FHIT: variants seen among roughly 807,000 people sequenced by gnomAD.
FHIT encodes fragile histidine triad diadenosine triphosphatase.
FHIT carries 19 observed loss-of-function variants against 17.9 expected under a neutral mutation model. The ratio of observed to expected loss-of-function variants is 1.06; its 90% CI spans 0.74 to 1.56. The LOEUF (loss-of-function observed/expected upper bound fraction) is 1.56. Ranked by LOEUF, FHIT falls within the 40% of genes most tolerant of loss-of-function variation. The pLI is 0.00. For synonymous variants in FHIT, 81 were observed against 69.7 expected (o/e 1.16, Z -0.81); for missense variants, 248 against 189.2 (o/e 1.31, Z -1.82).
At chr3:60,477,987 T>G (rs1261950935) in intron 5 of FHIT, among the ~76,000 whole-genome samples, 1 of 152,172 alleles carries the variant, frequency 6.6e-6, no homozygotes, top group Non-Finnish European at 1.5e-5. Flanking sequence ...TGGAGATTCT[T>G]TGCTGGGTAA....
chr3:60,340,143 T>A (rs973553206), intron 5 of FHIT, among the ~76,000 whole-genome samples: 1 of 152,170 alleles, frequency 6.6e-6, no homozygotes, highest in African/African-American at 2.4e-5. Context: ...AAAGGACTTA[T>A]TACAGAAACA....
At chr3:60,207,914 T>C (rs1703276337) in intron 5 of FHIT, among the ~76,000 whole-genome samples, 1 of 152,218 alleles carries the variant, frequency 6.6e-6, no homozygotes, top group African/African-American at 2.4e-5. Flanking sequence ...ATTTGGAATG[T>C]AATCTCTTAC....
intron 5 of FHIT, among the ~76,000 whole-genome samples, chr3:60,079,494 C>T (rs1379541079): frequency 6.6e-6 from 1 of 151,982 alleles, no homozygotes; most frequent in Non-Finnish European, 1.5e-5. Context: ...CTGCTCCCTG[C>T]TCCCACCAGC....
chr3:61,121,537 C>A (rs1269722401), intron 2 of FHIT, among the ~76,000 whole-genome samples: 1 of 152,130 alleles, frequency 6.6e-6, no homozygotes, highest in African/African-American at 2.4e-5. Context: ...CAAGCAAATG[C>A]TGAGAAATGT....
chr3:60,316,691 TAA>T (rs1360931041), intron 5 of FHIT, among the ~76,000 whole-genome samples: 2 of 152,216 alleles, frequency 1.3e-5, no homozygotes, highest in East Asian at 1.9e-4. Context: ...CAAAACAGAT[TAA>T]GTCTTTTTCA....
At chr3:59,897,703 T>C (rs777312252) in intron 8 of FHIT, among the ~76,000 whole-genome samples, 3 of 151,226 alleles carry the variant, frequency 2.0e-5, no homozygotes, top group Admixed American at 6.5e-5. Context: ...AAACCAGATA[T>C]AGCTTGAGCA....
intron 2 of FHIT, among the ~76,000 whole-genome samples, chr3:61,098,730 T>A (rs891970526): frequency 1.3e-5 from 2 of 152,180 alleles, no homozygotes; most frequent in Non-Finnish European, 2.9e-5. Context: ...TGTGACTATG[T>A]TACTGATTTG....
intron 5 of FHIT, among the ~76,000 whole-genome samples, chr3:60,201,890 T>C (rs931051741): frequency 2.6e-5 from 4 of 152,104 alleles, no homozygotes; most frequent in Non-Finnish European, 5.9e-5. Flanking sequence ...CTTGATTGAA[T>C]TTTGTTACAT....
chr3:61,099,171 A>T lies in FHIT; in HGVS notation c.-163-57072T>A, dbSNP rs1181714699. On this transcript the variant is annotated intron_variant, in intron 2 of 9. Coordinates refer to ENST00000492590, the MANE Select transcript of FHIT (RefSeq NM_002012.4). The stretch of plus-strand genomic sequence containing the variant: ...TCAAAAGCCTTTTCTACATCTATTG[A>T]GATAATCATGCAGTTTTTGTCTTTA... Among the ~76,000 whole-genome samples the T allele has an allele frequency of 2.0e-5, 3 of 152,186 alleles. No homozygotes were observed. The East Asian group carries it at 5.8e-4, about 29-fold the overall frequency.
At chr3:60,017,336 A>G (rs1700380821) in intron 5 of FHIT, among the ~76,000 whole-genome samples, 1 of 152,128 alleles carries the variant, frequency 6.6e-6, no homozygotes, top group African/African-American at 2.4e-5. Context: ...CTAACAGAGA[A>G]TCGTAAGATC....
At chr3:60,916,497 A>G (rs782685723) in intron 3 of FHIT, among the ~76,000 whole-genome samples, 2 of 152,184 alleles carry the variant, frequency 1.3e-5, no homozygotes, top group Non-Finnish European at 2.9e-5. Context: ...ATTTTTGCTT[A>G]TAACCATAGG....
chr3:60,496,524 T>C (rs1395522598), intron 5 of FHIT, among the ~76,000 whole-genome samples: 1 of 152,168 alleles, frequency 6.6e-6, no homozygotes, highest in Non-Finnish European at 1.5e-5. Context: ...ACAGATGTTT[T>C]CACCCAATGC....
intron 2 of FHIT, among the ~76,000 whole-genome samples, chr3:61,044,213 A>C (rs936849940): frequency 6.6e-6 from 1 of 152,208 alleles, no homozygotes; most frequent in Non-Finnish European, 1.5e-5. Flanking sequence ...CGAACCCATC[A>C]CAAAGAAGCT....
intron 5 of FHIT, among the ~76,000 whole-genome samples, chr3:60,111,052 T>C (rs1704646236): frequency 6.6e-6 from 1 of 151,836 alleles, no homozygotes; most frequent in South Asian, 2.1e-4. Context: ...AGGTGAACTA[T>C]ACAAAATACT....
intron 3 of FHIT, among the ~76,000 whole-genome samples, chr3:60,851,300 A>T (rs1703144210): frequency 6.6e-6 from 1 of 152,136 alleles, no homozygotes; most frequent in South Asian, 2.1e-4. Context: ...TTCCTCTAGC[A>T]TTAGAACAGA....
At chr3:60,173,915 A>ATATATATATATTTTTTTTTTTTT in intron 5 of FHIT, among the ~76,000 whole-genome samples, 5 of 66,436 alleles carry the variant, frequency 7.5e-5, no homozygotes, top group Non-Finnish European at 1.1e-4. Flanking sequence ...ATATATATAT[A>ATATATATATATTTTTTTTTTTTT]TGTTTTTTTT....
intron 4 of FHIT, among the ~76,000 whole-genome samples, chr3:60,639,520 T>C (rs943673593): frequency 6.6e-6 from 1 of 152,158 alleles, no homozygotes; most frequent in South Asian, 2.1e-4. Flanking sequence ...CAAAATTTCA[T>C]TTGAGAAACT....
chr3:60,350,821 A>G (rs1158066556), intron 5 of FHIT, among the ~76,000 whole-genome samples: 1 of 152,160 alleles, frequency 6.6e-6, no homozygotes, highest in Non-Finnish European at 1.5e-5. Flanking sequence ...ATTTGCTTCC[A>G]ACCAAAAGAA....
intron 5 of FHIT, among the ~76,000 whole-genome samples, chr3:60,472,788 G>C (rs1484402172): frequency 1.3e-5 from 2 of 152,156 alleles, no homozygotes; most frequent in African/African-American, 4.8e-5. Flanking sequence ...AAAATGACTT[G>C]TGTGTCCCAA....
Sources: gnomAD v4.1 joint callset for allele counts (sites outside exome capture counted in the v4.1 genomes callset) on GRCh38, gnomAD v4.1.1 for gene constraint, MANE v1.5 for transcripts, NCBI Gene and HGNC (gene_info 2026-07-23, HGNC 2026-07-21) for gene names.